The following LNX1 variants were observed in gnomAD, a reference collection of about 807,000 sequenced individuals.
The protein encoded by LNX1 is E3 ubiquitin-protein ligase LNX.
A neutral mutation model predicts 68.4 loss-of-function variants in LNX1; 54 were observed. The ratio of observed to expected loss-of-function variants is 0.79; its 90% CI spans 0.63 to 0.99. The LOEUF (loss-of-function observed/expected upper bound fraction) is 0.99, where lower values mean the gene tolerates loss of function less well. Ranked by LOEUF, LNX1 falls within the 50% of genes least tolerant of loss-of-function variation. The pLI is 0.00. For missense variants in LNX1, 906 were observed against 926.4 expected (o/e 0.98, Z 0.29); for synonymous variants, 336 against 350.0 (o/e 0.96, Z 0.45).
At chr4:53,527,814 A>G (rs1210707975) in intron 2 of LNX1, among the ~76,000 whole-genome samples, 1 of 152,184 alleles carries the variant, frequency 6.6e-6, no homozygotes, top group African/African-American at 2.4e-5. Flanking sequence ...CAATGACTTT[A>G]TGAAAGTTGC....
chr4:53,512,508 G>GTGTGTGTGTGTGTGTGTA (rs371399015), intron 2 of LNX1, among the ~76,000 whole-genome samples: 1,699 of 149,362 alleles, frequency 0.011, 27 homozygotes, highest in African/African-American at 0.038. Flanking sequence ...GTGTGTGTGT[G>GTGTGTGTGTGTGTGTGTA]TGTGTGTGTG....
Position 53,574,038 on chromosome 4 carries a change from C to A in LNX1, c.-36G>T. On this transcript the variant is annotated 5_prime_UTR_variant, in exon 2 of 11. Coordinates refer to ENST00000263925, the MANE Select transcript of LNX1 (RefSeq NM_001126328.3). Reference sequence around the variant, plus strand: ...AGAGCAGTATAACAGGAAACTCAGTCACACAATATTTCCTCAGGAGCAAGT... The same window carrying A: ...AGAGCAGTATAACAGGAAACTCAGTAACACAATATTTCCTCAGGAGCAAGT... 6.4e-7 allele frequency: 1 copy of A among 1,571,530 alleles called. No homozygotes were observed. The highest frequency in any genetic ancestry group is 1.2e-5 in the South Asian group (1 of 82,850).
rs1553927746 is a variant in LNX1 at position 53,460,424 on chromosome 4, CTTAA to C, written c.*479_*482del. The C allele has an allele frequency of 3.2e-5, 6 of 189,374 alleles. No individual in the cohort carries two copies. Among genetic ancestry groups the C allele is most frequent in the African/African-American group, 1.4e-4 (6 of 42,948 alleles). The allele number at this position is 189,374 out of a possible 1,614,324, so 11.7% of individuals were successfully genotyped here. ...TAAATAGTGATAATACAAAAGTAAT[CTTAA>C]TTAGTATCACATACTAAAAGACAAC... is the stretch of plus-strand genomic sequence containing the variant. On this transcript the variant is annotated 3_prime_UTR_variant, in exon 11 of 11. Transcript: ENST00000263925.
intron 1 of LNX1, among the ~76,000 whole-genome samples, chr4:53,644,013 C>G (rs560639064): frequency 5.9e-5 from 9 of 152,216 alleles, no homozygotes; most frequent in Admixed American, 1.3e-4. Flanking sequence ...CTCTAAAAGT[C>G]TTATTAATAA....
rs554743279 is a variant in LNX1 at position 53,522,327 on chromosome 4, C to T, written c.381-14100G>A. Among the ~76,000 whole-genome samples the T allele has an allele frequency of 5.9e-5, 9 of 152,270 alleles. No homozygotes were observed. The East Asian group carries it at 1.7e-3, about 29-fold the overall frequency. ...ACTGATGCTTCATAGTGATCTCTCC[C>T]CTCTCAATGCATTTATTTATTCCAC... On this transcript the variant is annotated intron_variant, in intron 2 of 10. Transcript: ENST00000263925.
At chr4:53,538,838 G>C (rs1728555633) in intron 2 of LNX1, among the ~76,000 whole-genome samples, 1 of 152,016 alleles carries the variant, frequency 6.6e-6, no homozygotes, top group Admixed American at 6.6e-5. Flanking sequence ...AGCCCTTTTG[G>C]GGAGAAAAAA....
intron 2 of LNX1, among the ~76,000 whole-genome samples, chr4:53,571,152 T>C (rs2109772965): frequency 6.6e-6 from 1 of 151,990 alleles, no homozygotes; most frequent in East Asian, 1.9e-4. Flanking sequence ...CCCAAGTAGC[T>C]GGGATTACAG....
At chr4:53,623,773 T>A (rs1052348366) in intron 1 of LNX1, among the ~76,000 whole-genome samples, 1 of 151,806 alleles carries the variant, frequency 6.6e-6, no homozygotes, top group Non-Finnish European at 1.5e-5. Context: ...ATTAGGTAGG[T>A]CTATTATTGC....
chr4:53,635,906 A>G (rs193174639), intron 1 of LNX1, among the ~76,000 whole-genome samples: 71 of 152,296 alleles, frequency 4.7e-4, no homozygotes, highest in African/African-American at 1.7e-3. Flanking sequence ...CAAGCTGTAA[A>G]TATTTACTAA....
At chr4:53,564,879 G>A (rs1730545793) in intron 2 of LNX1, among the ~76,000 whole-genome samples, 1 of 152,200 alleles carries the variant, frequency 6.6e-6, no homozygotes. Flanking sequence ...ATCAAAGAAA[G>A]GGGTGACAGA....
intron 2 of LNX1, among the ~76,000 whole-genome samples, chr4:53,596,512 T>C (rs1305188033): frequency 6.6e-6 from 1 of 152,236 alleles, no homozygotes; most frequent in Non-Finnish European, 1.5e-5. Context: ...GAGACCTATA[T>C]CTTATGACAA....
At chr4:53,583,479 G>A (rs150943057) in intron 1 of LNX1, among the ~76,000 whole-genome samples, 1 of 152,092 alleles carries the variant, frequency 6.6e-6, no homozygotes, top group Non-Finnish European at 1.5e-5. Context: ...ATCTCGAAGA[G>A]GGACTAAGCC....
intron 2 of LNX1, among the ~76,000 whole-genome samples, chr4:53,515,793 C>T (rs1333411541): frequency 1.3e-5 from 2 of 152,206 alleles, no homozygotes; most frequent in Non-Finnish European, 2.9e-5. Flanking sequence ...CATGCTTTCA[C>T]TTCTAAAGAA....
intron 1 of LNX1, among the ~76,000 whole-genome samples, chr4:53,623,186 C>T (rs1234589984): frequency 2.7e-5 from 4 of 145,976 alleles, no homozygotes; most frequent in African/African-American, 1.0e-4. Flanking sequence ...AGGATGAGAG[C>T]GTTTGCGTTG....
intron 1 of LNX1, among the ~76,000 whole-genome samples, chr4:53,633,126 C>T (rs1242390338): frequency 6.6e-6 from 1 of 152,180 alleles, no homozygotes; most frequent in Non-Finnish European, 1.5e-5. Context: ...CTCTATGATC[C>T]TCTATTGCCC....
At chr4:53,638,730 G>A (rs1216296599) in intron 1 of LNX1, among the ~76,000 whole-genome samples, 1 of 152,194 alleles carries the variant, frequency 6.6e-6, no homozygotes, top group African/African-American at 2.4e-5. Context: ...TGTTAGAGAA[G>A]CATCATTCAG....
rs529698253 is a variant in LNX1, at chr4:53,521,693, C to T, written c.381-13466G>A. On this transcript the variant is annotated intron_variant, in intron 2 of 10. Transcript: ENST00000263925. ...ATTCCCAAAAATTGTGTTATGCAAA[C>T]GAAGGGGGAAAGGAGGGGATGCTTT... 2.4e-4 allele frequency among the ~76,000 whole-genome samples: 36 copies of T among 151,784 alleles called. No homozygotes were observed. The East Asian group carries it at 3.5e-3, about 15-fold the overall frequency.
chr4:53,552,858 T>A (rs1329239070), intron 2 of LNX1, among the ~76,000 whole-genome samples: 3 of 151,316 alleles, frequency 2.0e-5, no homozygotes, highest in Admixed American at 6.6e-5. Context: ...CTTAAATATT[T>A]AAAGGAATGT....
At chr4:53,643,295 C>T (rs373404788) in intron 1 of LNX1, among the ~76,000 whole-genome samples, 5 of 152,112 alleles carry the variant, frequency 3.3e-5, no homozygotes, top group South Asian at 2.1e-4. Flanking sequence ...GGACCACAGA[C>T]GCATGCCACC....
Sources: gnomAD v4.1 joint callset for allele counts (sites outside exome capture counted in the v4.1 genomes callset) on GRCh38, gnomAD v4.1.1 for gene constraint, MANE v1.5 for transcripts, NCBI Gene and HGNC (gene_info 2026-07-23, HGNC 2026-07-21) for gene names.